The following CCBE1 variants were observed in gnomAD, a reference collection of about 807,000 sequenced individuals.
CCBE1 encodes the protein collagen and calcium-binding EGF domain-containing protein 1.
A neutral mutation model predicts 50.0 loss-of-function variants in CCBE1; 37 were observed. The ratio of observed to expected loss-of-function variants is 0.74; its 90% CI spans 0.57 to 0.97. The LOEUF is 0.97. CCBE1 is among the 50% of genes least tolerant of loss of function. The pLI is 0.00. For missense variants in CCBE1, 538 were observed against 523.8 expected (o/e 1.03, Z -0.26); for synonymous variants, 234 against 203.7 (o/e 1.15, Z -1.27).
chr18:59,654,855 C>T (rs1418978212), intron 2 of CCBE1, among the ~76,000 whole-genome samples: 1 of 149,960 alleles, frequency 6.7e-6, no homozygotes, highest in East Asian at 2.0e-4. Flanking sequence ...ATAATCCCAG[C>T]ACTTTGGGAG....
chr18:59,553,343 G>A (rs906442847), intron 2 of CCBE1, among the ~76,000 whole-genome samples: 3 of 152,168 alleles, frequency 2.0e-5, no homozygotes, highest in Non-Finnish European at 4.4e-5. Context: ...CATTCTTACT[G>A]AACCAAAGAG....
At chr18:59,548,046 T>C (rs924139224) in intron 2 of CCBE1, among the ~76,000 whole-genome samples, 5 of 152,222 alleles carry the variant, frequency 3.3e-5, no homozygotes, top group African/African-American at 1.2e-4. Flanking sequence ...ACCGAAAATG[T>C]GGTCACAGTG....
chr18:59,555,059 A>G (rs72964849), intron 2 of CCBE1, among the ~76,000 whole-genome samples: 12,434 of 152,284 alleles, frequency 0.082, 528 homozygotes, highest in Admixed American at 0.11. Flanking sequence ...TCTTCCCCCA[A>G]CAACTTGCTA....
intron 2 of CCBE1, among the ~76,000 whole-genome samples, chr18:59,581,494 T>C (rs2053083729): frequency 6.6e-6 from 1 of 150,982 alleles, no homozygotes; most frequent in Admixed American, 6.6e-5. Context: ...ATAGGAGCTA[T>C]GCCCAAGGGT....
At chr18:59,614,519 C>T (rs921704974) in intron 2 of CCBE1, among the ~76,000 whole-genome samples, 15 of 152,214 alleles carry the variant, frequency 9.9e-5, no homozygotes, top group African/African-American at 3.4e-4. Flanking sequence ...TTTTCACTGG[C>T]TGTTTTTGCA....
intron 2 of CCBE1, among the ~76,000 whole-genome samples, chr18:59,508,637 C>T (rs1005458728): frequency 2.0e-5 from 3 of 150,810 alleles, no homozygotes; most frequent in Non-Finnish European, 2.9e-5. Flanking sequence ...GAAACTACCC[C>T]ATAATGTTCT....
At chr18:59,557,091 T>C (rs1268266966) in intron 2 of CCBE1, among the ~76,000 whole-genome samples, 1 of 152,156 alleles carries the variant, frequency 6.6e-6, no homozygotes, top group African/African-American at 2.4e-5. Context: ...CCAATCCCTC[T>C]AACTCCCACT....
At chr18:59,469,013 G>A (rs915808271) in intron 4 of CCBE1, among the ~76,000 whole-genome samples, 2 of 152,196 alleles carry the variant, frequency 1.3e-5, no homozygotes, top group Non-Finnish European at 2.9e-5. Flanking sequence ...ACAGGCTGGT[G>A]CCGTGGATGG....
At chr18:59,438,981 C>T (rs777595735) in intron 9 of CCBE1, among the ~76,000 whole-genome samples, 8 of 152,072 alleles carry the variant, frequency 5.3e-5, no homozygotes, top group Non-Finnish European at 1.2e-4. Flanking sequence ...GAAACCCCGT[C>T]TCTACTAAAA....
rs1485803219 is a variant in CCBE1 at position 59,433,324 on chromosome 18, T to G, written c.*2584A>C. On this transcript the variant is annotated 3_prime_UTR_variant, in exon 11 of 11. Transcript: ENST00000439986. ...TATGTTGCCCAGACTGGCCTTGAAC[T>G]CCTGGGCTCAAGGGATCCTCTCGCT... The G allele has an allele frequency of 4.6e-5, 7 of 151,860 alleles. No homozygotes were observed. The highest frequency in any genetic ancestry group is 4.6e-4 in the Admixed American group (7 of 15,240). 9.4% of individuals were successfully genotyped at this position (151,860 alleles called of 1,614,324 possible). A position where few individuals can be genotyped will look rare whatever the true frequency, so the allele number is the denominator to read the frequency against.
At chr18:59,646,458 T>C (rs1341625775) in intron 2 of CCBE1, among the ~76,000 whole-genome samples, 1 of 152,304 alleles carries the variant, frequency 6.6e-6, no homozygotes, top group Non-Finnish European at 1.5e-5. Context: ...AGAGGAGCCA[T>C]GGCTGCACCC....
intron 2 of CCBE1, among the ~76,000 whole-genome samples, chr18:59,509,252 CCTAACAAAGTCAAAAG>C (rs1914024636): frequency 6.6e-6 from 1 of 151,958 alleles, no homozygotes; most frequent in Admixed American, 6.6e-5. Context: ...CTGGGCATTG[CCTAACAAAGTCAAAAG>C]CTAACAAAAG....
chr18:59,506,892 A>G (rs1913900785), intron 2 of CCBE1, among the ~76,000 whole-genome samples: 1 of 152,232 alleles, frequency 6.6e-6, no homozygotes, highest in South Asian at 2.1e-4. Context: ...TAGTCTCCCC[A>G]GATATAGAAG....
At position 59,439,766 on chromosome 18, in the gene CCBE1, G is replaced by A. The variant is rs745953205; in HGVS notation, c.826C>T (p.Pro276Ser). The A allele has an allele frequency of 3.7e-6, 6 of 1,614,066 alleles. No homozygotes were observed. The African/African-American group carries it at 8.0e-5, about 22-fold the overall frequency. The change falls in exon 8 of 11, where the codon CCT (proline) becomes TCT (serine). Residue 276 changes from proline to serine, a missense_variant. Transcript: ENST00000439986. ...GAGCCCCGTGGGCCGGGCTGCCCAG[G>A]AGGGCCTGGCATACCGGGGAAGCCT... ...SPGFPGMPGP[P>S]GQPGPRGSMG...
At chr18:59,697,092 G>A (rs2054818203) in intron 1 of CCBE1, 120 bp downstream of exon 1, 7 of 1,358,390 alleles carry the variant, frequency 5.2e-6, no homozygotes, top group Admixed American at 2.0e-5. Flanking sequence ...CCTTATCCCC[G>A]GAGAAGTGAG....
intron 2 of CCBE1, among the ~76,000 whole-genome samples, chr18:59,593,830 T>C (rs895472297): frequency 1.3e-5 from 2 of 152,240 alleles, no homozygotes; most frequent in Non-Finnish European, 1.5e-5. Context: ...GACAACCCAT[T>C]GGTCACTGCA....
intron 2 of CCBE1, among the ~76,000 whole-genome samples, chr18:59,654,428 C>G (rs1211682185): frequency 2.0e-5 from 3 of 152,160 alleles, no homozygotes; most frequent in South Asian, 2.1e-4. Context: ...GAGTTCGAAA[C>G]AAGCCTGGCC....
At chr18:59,493,584 C>A (rs1390783637) in intron 2 of CCBE1, among the ~76,000 whole-genome samples, 1 of 151,664 alleles carries the variant, frequency 6.6e-6, no homozygotes, top group Admixed American at 6.6e-5. Flanking sequence ...GAGCATAGAG[C>A]ACTTCACTTG....
chr18:59,454,760 A>G, intron 6 of CCBE1, 91 bp downstream of exon 6: 1 of 1,116,288 alleles, frequency 9.0e-7, no homozygotes, highest in Non-Finnish European at 1.4e-6. Context: ...CTCAATGTGG[A>G]TATTTTCTTA....
Sources: gnomAD v4.1 joint callset for allele counts (sites outside exome capture counted in the v4.1 genomes callset) on GRCh38, gnomAD v4.1.1 for gene constraint, MANE v1.5 for transcripts, NCBI Gene and HGNC (gene_info 2026-07-23, HGNC 2026-07-21) for gene names.